The following SPECC1L variants were observed in gnomAD, a reference collection of about 807,000 sequenced individuals.
SPECC1L encodes cytospin-A.
A neutral mutation model predicts 116.8 loss-of-function variants in SPECC1L; 40 were observed. The ratio of observed to expected loss-of-function variants is 0.34; its 90% CI spans 0.27 to 0.45. The LOEUF is 0.45. SPECC1L is among the 20% of genes least tolerant of loss of function. SPECC1L has a pLI of 1.00. For missense variants in SPECC1L, 1,110 were observed against 1,373.6 expected, an observed-to-expected ratio of 0.81 and a Z score of 3.03; for synonymous variants, 504 against 500.6, an observed-to-expected ratio of 1.01 and a Z score of -0.09.
At chr22:24,391,648 T>G (rs895808666) in intron 14 of SPECC1L, among the ~76,000 whole-genome samples, 1 of 152,126 alleles carries the variant, frequency 6.6e-6, no homozygotes, top group Non-Finnish European at 1.5e-5. Flanking sequence ...GGAAAGAGAA[T>G]TAGGAATGGT....
At chr22:24,365,846 C>CT (rs202229268) in intron 13 of SPECC1L, among the ~76,000 whole-genome samples, 1,701 of 130,108 alleles carry the variant, frequency 0.013, 11 homozygotes, top group Middle Eastern at 0.021. Context: ...GCAGCTGTAT[C>CT]TTTTTTTTTT....
chr22:24,318,255 C>A (rs940542081), intron 4 of SPECC1L, among the ~76,000 whole-genome samples: 5 of 152,250 alleles, frequency 3.3e-5, no homozygotes, highest in African/African-American at 1.2e-4. Flanking sequence ...GAAGGAGACT[C>A]CGTCTGCAAT....
chr22:24,359,176 C>T (rs146016796), intron 11 of SPECC1L, among the ~76,000 whole-genome samples: 339 of 152,330 alleles, frequency 2.2e-3, no homozygotes, highest in Non-Finnish European at 3.4e-3. Context: ...TTTCTCTCCA[C>T]ATCTTTCCTA....
In SPECC1L at chr22:24,334,485, A is replaced by G. The variant is rs778580825; in HGVS notation, c.2472A>G (p.Gly824=). The G allele has an allele frequency of 5.6e-6, 9 of 1,614,008 alleles. No homozygotes were observed. The highest frequency in any genetic ancestry group is 2.7e-5 in the African/African-American group (2 of 74,906). Residue 824 remains glycine, a synonymous_variant, in exon 9 of 17, where the codon GGA becomes GGG. Coordinates refer to ENST00000314328, the MANE Select transcript of SPECC1L (RefSeq NM_015330.6). The part of the protein sequence containing the change: ...VERDLAALRQ[G]MGLSRRSSTS... Reference sequence around the variant, plus strand: ...GAGATTTGGCAGCCTTAAGGCAGGGAATGGGACTGAGTAGAAGGTCCTCGA... The same window carrying G: ...GAGATTTGGCAGCCTTAAGGCAGGGGATGGGACTGAGTAGAAGGTCCTCGA...
chr22:24,289,982 G>A (rs751083227), intron 2 of SPECC1L, among the ~76,000 whole-genome samples: 4 of 152,096 alleles, frequency 2.6e-5, no homozygotes, highest in Admixed American at 6.5e-5. Flanking sequence ...ACATTTTTGA[G>A]ATGTTCTTTA....
At chr22:24,296,002 T>G (rs1437086236) in intron 2 of SPECC1L, among the ~76,000 whole-genome samples, 2 of 151,480 alleles carry the variant, frequency 1.3e-5, no homozygotes, top group Non-Finnish European at 2.9e-5. Flanking sequence ...TAGACAAATC[T>G]AGAAGGGGCA....
intron 14 of SPECC1L, among the ~76,000 whole-genome samples, chr22:24,384,327 CAGGCCCATTCTGAAAGAAAA>C (rs1346979527): frequency 6.6e-6 from 1 of 152,136 alleles, no homozygotes; most frequent in East Asian, 1.9e-4. Context: ...TTGTCACCAG[CAGGCCCATTCTGAAAGAAAA>C]AGGAAGTTCT....
At chr22:24,406,645 T>G (rs2042596881) in intron 14 of SPECC1L, among the ~76,000 whole-genome samples, 1 of 152,038 alleles carries the variant, frequency 6.6e-6, no homozygotes, top group Non-Finnish European at 1.5e-5. Context: ...AGAGCAAAGG[T>G]CTTGACTGAG....
At chr22:24,277,515 C>T (rs1329439753) in intron 2 of SPECC1L, among the ~76,000 whole-genome samples, 9 of 152,194 alleles carry the variant, frequency 5.9e-5, no homozygotes, top group African/African-American at 1.9e-4. Context: ...GAAGTCTGTA[C>T]TCATTAGTAG....
chr22:24,412,750 T>C, intron 16 of SPECC1L, 43 bp downstream of exon 16: 1 of 1,603,864 alleles, frequency 6.2e-7, no homozygotes, highest in Non-Finnish European at 8.5e-7. Flanking sequence ...GCCCTCCTTC[T>C]GGTTAAGAAG....
chr22:24,306,095 C>T (rs2049490036), intron 3 of SPECC1L, among the ~76,000 whole-genome samples: 1 of 151,958 alleles, frequency 6.6e-6, no homozygotes, highest in East Asian at 1.9e-4. Flanking sequence ...TTAGTAGAGA[C>T]GGGGTTTCTC....
intron 14 of SPECC1L, among the ~76,000 whole-genome samples, chr22:24,405,017 C>G (rs768998798): frequency 1.3e-4 from 20 of 152,188 alleles, no homozygotes; most frequent in Non-Finnish European, 2.1e-4. Context: ...ACTCCAGGCC[C>G]TTCATTTTTC....
At chr22:24,372,752 A>T (rs552623613) in intron 14 of SPECC1L, among the ~76,000 whole-genome samples, 1 of 151,240 alleles carries the variant, frequency 6.6e-6, no homozygotes, top group South Asian at 2.1e-4. Context: ...CCTATTCAAC[A>T]TAGTGTTGGA....
In SPECC1L at chr22:24,352,080, C is replaced by T. The variant is rs975828587; in HGVS notation, c.2743+4904C>T. On this transcript the variant is annotated intron_variant, in intron 11 of 16. Transcript: ENST00000314328. Reference sequence around the variant, plus strand: ...ATCATGCACTTGCAGGAAAATGTTTCATACCAGAGAAATCTTACTATAAAT... The same window carrying T: ...ATCATGCACTTGCAGGAAAATGTTTTATACCAGAGAAATCTTACTATAAAT... Among the ~76,000 whole-genome samples the T allele has an allele frequency of 4.3e-4, 66 of 151,826 alleles. 2 individuals carry two copies.
chr22:24,313,457 A>G lies in SPECC1L; in HGVS notation c.298A>G (p.Ile100Val). The stretch of plus-strand genomic sequence containing the variant: ...GACCACCGTGGAGAACAAATCCAAG[A>G]TTAGCACAGGTAACGGTGACATTCA... ...AMTTVENKSK[I>V]STGTASSTKR... is the part of the protein sequence containing the mutation. Residue 100 changes from isoleucine (I) to valine (V), a missense_variant, in exon 4 of 17, where the codon ATT (isoleucine) becomes GTT (valine). Physicochemically the swap from Ile to Val is conservative, Grantham distance 29 (BLOSUM62 3). Transcript: ENST00000314328. 6.2e-7 allele frequency: 1 copy of G among 1,614,058 alleles called. No individual in the cohort carries two copies.
At position 24,369,896 on chromosome 22, in the gene SPECC1L, A is replaced by C. The variant is rs1028303117; in HGVS notation, c.3087+576A>C. ...TCCATACAAAAGGGAAACCTGTAGA[A>C]TTCATCCATTCTGCTAAAAAATACA... On this transcript the variant is annotated intron_variant, in intron 14 of 16. Transcript: ENST00000314328. Among the ~76,000 whole-genome samples, 17 of 152,360 alleles carry C rather than the reference A, an allele frequency of 1.1e-4. No individual in the cohort carries two copies. In the East Asian group the frequency reaches 3.3e-3, roughly 29 times the overall value.
chr22:24,384,620 T>TA (rs1323966302), intron 14 of SPECC1L, among the ~76,000 whole-genome samples: 2 of 152,224 alleles, frequency 1.3e-5, no homozygotes, highest in Non-Finnish European at 2.9e-5. Flanking sequence ...AGACTCTGAA[T>TA]AAGTGAAGGG....
chr22:24,279,634 C>T (rs2048904555), intron 2 of SPECC1L, among the ~76,000 whole-genome samples: 1 of 151,892 alleles, frequency 6.6e-6, no homozygotes, highest in Non-Finnish European at 1.5e-5. Flanking sequence ...GGTTGTAGGG[C>T]AACAATGGTG....
intron 2 of SPECC1L, among the ~76,000 whole-genome samples, chr22:24,293,345 C>T (rs1043086088): frequency 2.2e-4 from 33 of 151,646 alleles, no homozygotes; most frequent in African/African-American, 1.2e-4. Flanking sequence ...CCCAGCTACT[C>T]GGGAGGCTGA....
Sources: gnomAD v4.1 joint callset for allele counts (sites outside exome capture counted in the v4.1 genomes callset) on GRCh38, gnomAD v4.1.1 for gene constraint, MANE v1.5 for transcripts, NCBI Gene and HGNC (gene_info 2026-07-23, HGNC 2026-07-21) for gene names.